Variants in RNF150 observed in about 807,000 individuals in gnomAD.
RNF150 encodes ring finger protein 150.
Under a neutral mutation model 39.3 loss-of-function variants are expected in RNF150, and 24 were observed. That is an observed-to-expected ratio of 0.61 (90% CI 0.44 to 0.86). The LOEUF (loss-of-function observed/expected upper bound fraction) is 0.86. Ranked by LOEUF, RNF150 falls within the 40% of genes least tolerant of loss-of-function variation. The probability of loss-of-function intolerance (pLI) is 0.00; values close to 1 mark genes in which losing one functional copy is unlikely to be tolerated. For missense variants in RNF150, 502 were observed against 587.8 expected (o/e 0.85, Z 1.51); for synonymous variants, 255 against 227.3 (o/e 1.12, Z -1.10).
intron 1 of RNF150, among the ~76,000 whole-genome samples, chr4:141,191,870 G>C (rs1230679918): frequency 6.6e-6 from 1 of 151,952 alleles, no homozygotes; most frequent in Non-Finnish European, 1.5e-5. Flanking sequence ...AGCATATCCT[G>C]GTCCATTTCT....
chr4:141,029,489 A>G (rs1472692092), intron 1 of RNF150, among the ~76,000 whole-genome samples: 1 of 152,212 alleles, frequency 6.6e-6, no homozygotes, highest in African/African-American at 2.4e-5. Context: ...TAGTACAGTT[A>G]ACAGTAAGAT....
chr4:141,110,790 T>C (rs1739362060), intron 1 of RNF150, among the ~76,000 whole-genome samples: 1 of 152,112 alleles, frequency 6.6e-6, no homozygotes, highest in African/African-American at 2.4e-5. Flanking sequence ...TTATCTTTTG[T>C]TAATTTGGCT....
chr4:140,929,918 C>T lies in RNF150; in HGVS notation c.891-3845G>A, dbSNP rs146496469. ...CCTGTAATCCCAGCATTTTGGTAGG[C>T]CAAGGCAGGCGGCAGGCAAATAACT... On this transcript the variant is annotated intron_variant, in intron 4 of 6. Coordinates refer to ENST00000515673, the MANE Select transcript of RNF150 (RefSeq NM_020724.2). 1.5e-3 allele frequency among the ~76,000 whole-genome samples: 227 copies of T among 152,170 alleles called. 1 individual carries two copies. The highest frequency in any genetic ancestry group is 3.4e-3 in the Admixed American group (52 of 15,282).
intron 6 of RNF150, among the ~76,000 whole-genome samples, chr4:140,903,281 TTC>T (rs1730254191): frequency 6.6e-6 from 1 of 152,152 alleles, no homozygotes; most frequent in African/African-American, 2.4e-5. Flanking sequence ...TAGTGACACT[TTC>T]CTTTGTTCTG....
At chr4:141,089,772 T>C (rs758824012) in intron 1 of RNF150, among the ~76,000 whole-genome samples, 1 of 152,212 alleles carries the variant, frequency 6.6e-6, no homozygotes, top group Non-Finnish European at 1.5e-5. Flanking sequence ...TACCAAATTA[T>C]ACCCAGAATA....
chr4:140,997,934 CTGT>C (rs952493677), intron 1 of RNF150, among the ~76,000 whole-genome samples: 15 of 152,170 alleles, frequency 9.9e-5, no homozygotes, highest in African/African-American at 3.4e-4. Flanking sequence ...ATACCTTTCA[CTGT>C]ATATACTTTT....
intron 5 of RNF150, among the ~76,000 whole-genome samples, chr4:140,918,836 C>T (rs1043080748): frequency 3.3e-5 from 5 of 152,140 alleles, no homozygotes; most frequent in African/African-American, 1.2e-4. Flanking sequence ...GCTTATCCAC[C>T]ATGATCAAGT....
At chr4:141,156,965 C>T (rs1258368764) in intron 1 of RNF150, among the ~76,000 whole-genome samples, 1 of 152,062 alleles carries the variant, frequency 6.6e-6, no homozygotes, top group African/African-American at 2.4e-5. Context: ...CCAGGCATTT[C>T]CAAGCCTAGA....
At chr4:141,078,934 TACACAC>T (rs1289345215) in intron 1 of RNF150, among the ~76,000 whole-genome samples, 88 of 148,168 alleles carry the variant, frequency 5.9e-4, no homozygotes, top group African/African-American at 2.1e-3. Flanking sequence ...TACATATATA[TACACAC>T]ACATATATAT....
At chr4:141,139,905 A>T (rs1006761024) in intron 1 of RNF150, among the ~76,000 whole-genome samples, 39 of 152,196 alleles carry the variant, frequency 2.6e-4, no homozygotes, top group African/African-American at 9.2e-4. Context: ...GATATTCATC[A>T]TCTTGTTCAT....
chr4:141,197,703 C>A (rs1057223173), intron 1 of RNF150, among the ~76,000 whole-genome samples: 1 of 151,770 alleles, frequency 6.6e-6, no homozygotes, highest in African/African-American at 2.4e-5. Flanking sequence ...ATGGTGAAAC[C>A]CCATCTCTAC....
At chr4:140,878,917 T>G (rs1216927078) in intron 6 of RNF150, among the ~76,000 whole-genome samples, 1 of 152,178 alleles carries the variant, frequency 6.6e-6, no homozygotes, top group Non-Finnish European at 1.5e-5. Flanking sequence ...TCAGTTTGAG[T>G]GATTTTTTTG....
At chr4:141,105,242 C>T (rs916049871) in intron 1 of RNF150, among the ~76,000 whole-genome samples, 4 of 152,112 alleles carry the variant, frequency 2.6e-5, no homozygotes, top group African/African-American at 9.7e-5. Flanking sequence ...AATTGGCCTA[C>T]TTACCTCATA....
chr4:141,100,414 A>T (rs1209020911), intron 1 of RNF150, among the ~76,000 whole-genome samples: 1 of 152,220 alleles, frequency 6.6e-6, no homozygotes, highest in Non-Finnish European at 1.5e-5. Flanking sequence ...CTTCTACCAC[A>T]TCCAAGTGAC....
intron 1 of RNF150, among the ~76,000 whole-genome samples, chr4:141,002,963 T>C (rs1334807301): frequency 2.6e-5 from 4 of 152,190 alleles, no homozygotes; most frequent in Admixed American, 2.0e-4. Flanking sequence ...CTAGTGCCTA[T>C]AGCACTGTCT....
chr4:141,188,578 A>G (rs1560773187), intron 1 of RNF150, among the ~76,000 whole-genome samples: 1 of 151,782 alleles, frequency 6.6e-6, no homozygotes, highest in Non-Finnish European at 1.5e-5. Context: ...TCTTGTCTTC[A>G]TGCTTTTTTT....
At chr4:141,007,244 A>G (rs1734901198) in intron 1 of RNF150, among the ~76,000 whole-genome samples, 1 of 152,194 alleles carries the variant, frequency 6.6e-6, no homozygotes, top group Non-Finnish European at 1.5e-5. Context: ...TTTATTGAAC[A>G]TTCAAGTTTA....
intron 6 of RNF150, among the ~76,000 whole-genome samples, chr4:140,872,948 A>T (rs1181714406): frequency 6.6e-6 from 1 of 152,168 alleles, no homozygotes; most frequent in Non-Finnish European, 1.5e-5. Flanking sequence ...CACAGAAGAG[A>T]TGAGAGGTTT....
At chr4:140,902,689 A>G (rs1730229413) in intron 6 of RNF150, among the ~76,000 whole-genome samples, 2 of 152,220 alleles carry the variant, frequency 1.3e-5, no homozygotes, top group Admixed American at 1.3e-4. Context: ...AAGTCTGTAT[A>G]AGAACCAGGT....
Sources: allele counts gnomAD v4.1 joint callset (sites outside exome capture counted in the v4.1 genomes callset), GRCh38; gene constraint gnomAD v4.1.1; transcripts MANE v1.5; gene names NCBI Gene and HGNC (gene_info 2026-07-23, HGNC 2026-07-21).